The following SPAG16 variants were observed in gnomAD, a reference collection of about 807,000 sequenced individuals.
SPAG16 encodes sperm associated antigen 16.
SPAG16 carries 86 observed loss-of-function variants against 80.4 expected under a neutral mutation model. The observed-to-expected ratio is 1.07, with a 90% CI of 0.90 to 1.28. The LOEUF is 1.28. SPAG16 is among the 50% of genes most tolerant of loss of function. The pLI, the probability that SPAG16 is intolerant of heterozygous loss-of-function variation, is 0.00. For missense variants in SPAG16, 870 were observed against 765.3 expected (o/e 1.14, Z -1.61); for synonymous variants, 294 against 265.9 (o/e 1.11, Z -1.03).
intron 11 of SPAG16, among the ~76,000 whole-genome samples, chr2:213,890,623 G>A (rs1268495639): frequency 1.3e-5 from 2 of 151,836 alleles, no homozygotes; most frequent in African/African-American, 2.4e-5. Context: ...AGAAAGGATG[G>A]TTTCATTTAT....
At chr2:214,139,964 A>AG in intron 14 of SPAG16, among the ~76,000 whole-genome samples, 1 of 152,322 alleles carries the variant, frequency 6.6e-6, no homozygotes, top group East Asian at 1.9e-4. Flanking sequence ...ATGACTTATA[A>AG]GGCTCTACTT....
chr2:214,347,543 G>A (rs751514345), intron 15 of SPAG16, among the ~76,000 whole-genome samples: 7 of 152,094 alleles, frequency 4.6e-5, no homozygotes, highest in Admixed American at 2.6e-4. Flanking sequence ...TTAAGGTGGC[G>A]CCTCATAGAT....
chr2:214,118,362 T>G (rs1424625395), intron 14 of SPAG16, among the ~76,000 whole-genome samples: 4 of 152,202 alleles, frequency 2.6e-5, no homozygotes, highest in Non-Finnish European at 5.9e-5. Context: ...AGATACCCTG[T>G]GATCATGGAC....
chr2:213,479,089 G>A (rs1383489237), intron 9 of SPAG16, among the ~76,000 whole-genome samples: 1 of 137,688 alleles, frequency 7.3e-6, no homozygotes, highest in African/African-American at 2.7e-5. Context: ...AGGCACACTG[G>A]CTTCCTTTTT....
intron 15 of SPAG16, among the ~76,000 whole-genome samples, chr2:214,195,199 G>T (rs879373893): frequency 7.9e-5 from 12 of 151,454 alleles, no homozygotes; most frequent in African/African-American, 2.9e-4. Context: ...AAGCCCTAAG[G>T]GTGGAAAATT....
chr2:214,311,476 G>C (rs1374004495), intron 15 of SPAG16: 1 of 152,310 alleles, frequency 6.6e-6, no homozygotes, highest in African/African-American at 2.4e-5. Context: ...CATTGTTCTG[G>C]GTTGATTGAT....
intron 14 of SPAG16, among the ~76,000 whole-genome samples, chr2:214,110,978 T>C (rs2053634292): frequency 6.7e-6 from 1 of 150,308 alleles, no homozygotes; most frequent in Non-Finnish European, 1.5e-5. Context: ...TTTGATGGGA[T>C]TTTTTTTTTC....
intron 9 of SPAG16, among the ~76,000 whole-genome samples, chr2:213,462,801 G>A (rs910340196): frequency 6.6e-6 from 1 of 152,148 alleles, no homozygotes; most frequent in African/African-American, 2.4e-5. Context: ...CCAGTCTCGG[G>A]TATTTCTTCA....
intron 10 of SPAG16, among the ~76,000 whole-genome samples, chr2:213,841,537 G>T (rs1427349): frequency 0.92 from 140,028 of 152,160 alleles, 65,567 homozygotes; most frequent in East Asian, 1. Flanking sequence ...TTTACATAGC[G>T]TTAGCATTGT....
At chr2:213,523,084 T>C (rs1417938884) in intron 10 of SPAG16, among the ~76,000 whole-genome samples, 1 of 152,166 alleles carries the variant, frequency 6.6e-6, no homozygotes, top group Non-Finnish European at 1.5e-5. Context: ...AGATCTCATC[T>C]TGAATTGTAG....
chr2:213,708,484 C>T (rs2065848995), intron 10 of SPAG16, among the ~76,000 whole-genome samples: 1 of 151,894 alleles, frequency 6.6e-6, no homozygotes, highest in Admixed American at 6.6e-5. Context: ...GGTAGATCAC[C>T]TGAGGTCAGG....
chr2:213,779,241 GTC>G (rs1446804775), intron 10 of SPAG16, among the ~76,000 whole-genome samples: 1 of 151,808 alleles, frequency 6.6e-6, no homozygotes, highest in South Asian at 2.1e-4. Flanking sequence ...TCTTAAATAC[GTC>G]TGTTTCTTCT....
chr2:214,047,580 A>G (rs147610932), intron 13 of SPAG16, among the ~76,000 whole-genome samples: 121 of 152,342 alleles, frequency 7.9e-4, no homozygotes, highest in African/African-American at 2.6e-3. Flanking sequence ...ACTTCGAACA[A>G]TGAAACTACT....
At chr2:213,915,806 C>A (rs2077931660) in intron 11 of SPAG16, among the ~76,000 whole-genome samples, 1 of 152,036 alleles carries the variant, frequency 6.6e-6, no homozygotes, top group South Asian at 2.1e-4. Context: ...TTTTAATGAT[C>A]CCCATTCTAA....
chr2:214,330,293 A>AAAAG (rs1323294763), intron 15 of SPAG16, among the ~76,000 whole-genome samples: 7 of 151,564 alleles, frequency 4.6e-5, no homozygotes, highest in Non-Finnish European at 8.8e-5. Flanking sequence ...AAAAAAAAGG[A>AAAAG]AAAGAAATAA....
At chr2:213,585,144 G>A (rs377704596) in intron 10 of SPAG16, among the ~76,000 whole-genome samples, 5 of 149,680 alleles carry the variant, frequency 3.3e-5, no homozygotes, top group Non-Finnish European at 5.9e-5. Context: ...AGCTGAGATC[G>A]TGCCACTGTA....
At chr2:213,663,117 G>A (rs1515915) in intron 10 of SPAG16, among the ~76,000 whole-genome samples, 48,537 of 151,814 alleles carry the variant, frequency 0.32, 9,635 homozygotes, top group East Asian at 0.47. Flanking sequence ...ATTAACTTTA[G>A]TGTGACTGTA....
intron 9 of SPAG16, among the ~76,000 whole-genome samples, chr2:213,427,923 A>T (rs79206351): frequency 0.011 from 1,637 of 152,310 alleles, 30 homozygotes; most frequent in African/African-American, 0.037. Flanking sequence ...AAATTAGTAC[A>T]TTGTATTTCC....
chr2:214,012,930 C>T (rs1378179828), intron 12 of SPAG16, among the ~76,000 whole-genome samples: 1 of 152,178 alleles, frequency 6.6e-6, no homozygotes, highest in Non-Finnish European at 1.5e-5. Context: ...TTGCTGGGGC[C>T]TCCTCCAGAG....
Sources: allele counts gnomAD v4.1 joint callset (sites outside exome capture counted in the v4.1 genomes callset), GRCh38; gene constraint gnomAD v4.1.1; transcripts MANE v1.5; gene names NCBI Gene and HGNC (gene_info 2026-07-23, HGNC 2026-07-21).